The following FBXO15 variants were observed in gnomAD, a reference collection of about 807,000 sequenced individuals.
FBXO15 encodes F-box protein 15.
FBXO15 carries 30 observed loss-of-function variants against 49.5 expected under a neutral mutation model. The ratio of observed to expected loss-of-function variants is 0.61; its 90% CI spans 0.45 to 0.82. The LOEUF (loss-of-function observed/expected upper bound fraction) is 0.82, where lower values mean the gene tolerates loss of function less well. Ranked by LOEUF, FBXO15 falls within the 40% of genes least tolerant of loss-of-function variation. FBXO15 has a pLI of 0.00. For synonymous variants in FBXO15, 250 were observed against 232.7 expected (o/e 1.07, Z -0.68); for missense variants, 591 against 631.5 (o/e 0.94, Z 0.69).
In FBXO15 at chr18:74,140,205, T is replaced by C; in HGVS notation, c.224A>G (p.Asp75Gly). 2 of 1,550,874 alleles carry C rather than the reference T, an allele frequency of 1.3e-6. No homozygotes were observed. The highest frequency in any genetic ancestry group is 1.2e-5 in the South Asian group (1 of 83,916). ...SSFSCCSGFL[D>G]GMPSEILLKI... is the part of the protein sequence containing the mutation. Reference sequence around the variant, plus strand: ...ACAGTCTACTTCTGCTACTTACCCATCCAGGAACCCAGAACAGCAGGAGAA... The same window carrying C: ...ACAGTCTACTTCTGCTACTTACCCACCCAGGAACCCAGAACAGCAGGAGAA... The change falls in exon 2 of 10, where the codon GAT becomes GGT. Residue 75 changes from aspartate (D) to glycine (G), a missense_variant. Coordinates refer to ENST00000419743, the MANE Select transcript of FBXO15 (RefSeq NM_001142958.2).
intron 8 of FBXO15, among the ~76,000 whole-genome samples, chr18:74,094,379 A>G (rs1286253597): frequency 6.6e-6 from 1 of 152,140 alleles, no homozygotes; most frequent in African/African-American, 2.4e-5. Flanking sequence ...CTTTTGCCAT[A>G]TGATGTGCCT....
intron 1 of FBXO15, among the ~76,000 whole-genome samples, chr18:74,144,049 C>T (rs371642942): frequency 1.3e-5 from 2 of 152,190 alleles, no homozygotes; most frequent in South Asian, 2.1e-4. Flanking sequence ...CAATAAATAT[C>T]GCTGAATCAC....
intron 8 of FBXO15, among the ~76,000 whole-genome samples, chr18:74,086,796 G>A (rs1006733528): frequency 9.9e-5 from 15 of 152,142 alleles, no homozygotes; most frequent in Admixed American, 9.8e-4. Flanking sequence ...ACAAAATATG[G>A]AAACATAATA....
intron 8 of FBXO15, among the ~76,000 whole-genome samples, chr18:74,096,273 G>C (rs537986242): frequency 1.3e-5 from 2 of 152,204 alleles, no homozygotes; most frequent in African/African-American, 4.8e-5. Context: ...AGACAAAGGA[G>C]ATGCCAAATC....
intron 2 of FBXO15, among the ~76,000 whole-genome samples, chr18:74,139,924 T>C (rs1377399111): frequency 6.6e-6 from 1 of 152,226 alleles, no homozygotes; most frequent in Middle Eastern, 3.2e-3. Flanking sequence ...CAAGGGTCTT[T>C]ATCAACTCAA....
chr18:74,111,556 G>A (rs1175168331), intron 8 of FBXO15, among the ~76,000 whole-genome samples: 1 of 151,868 alleles, frequency 6.6e-6, no homozygotes, highest in Non-Finnish European at 1.5e-5. Context: ...GATATTTATG[G>A]CATTAAATTC....
chr18:74,075,250 G>A lies in FBXO15; in HGVS notation c.1264-1520C>T, dbSNP rs1268756225. Reference sequence around the variant, plus strand: ...AGAGAACCTCGGCCTTCACAGACAGGGGAGAAGGATGTTTTCCTCAACTTC... The same window carrying A: ...AGAGAACCTCGGCCTTCACAGACAGAGGAGAAGGATGTTTTCCTCAACTTC... On this transcript the variant is annotated intron_variant, in intron 9 of 9. Coordinates refer to ENST00000419743, the MANE Select transcript of FBXO15 (RefSeq NM_001142958.2). The surrounding 1 kb of genome is among the most constrained non-coding windows in gnomAD (Gnocchi z 4.1). Among the ~76,000 whole-genome samples the A allele has an allele frequency of 6.6e-6, 1 of 152,186 alleles. No individual in the cohort carries two copies. The highest frequency in any genetic ancestry group is 2.4e-5 in the African/African-American group (1 of 41,440).
At chr18:74,120,039 C>T (rs1914407979) in intron 8 of FBXO15, among the ~76,000 whole-genome samples, 1 of 152,198 alleles carries the variant, frequency 6.6e-6, no homozygotes, top group South Asian at 2.1e-4. Flanking sequence ...AGCAGAGACT[C>T]AGTTCTCCGC....
At chr18:74,082,387 T>G (rs1912541418) in intron 8 of FBXO15, among the ~76,000 whole-genome samples, 1 of 152,166 alleles carries the variant, frequency 6.6e-6, no homozygotes, top group African/African-American at 2.4e-5. Flanking sequence ...AAGCCAACAG[T>G]GTTGGAAACC....
intron 8 of FBXO15, among the ~76,000 whole-genome samples, chr18:74,084,947 T>C (rs554550032): frequency 2.6e-5 from 4 of 152,186 alleles, no homozygotes; most frequent in African/African-American, 9.6e-5. Context: ...CCCTCTATAC[T>C]TTATCTCAAT....
At chr18:74,141,797 G>T (rs559884939) in intron 1 of FBXO15, among the ~76,000 whole-genome samples, 2 of 152,256 alleles carry the variant, frequency 1.3e-5, no homozygotes, top group East Asian at 3.9e-4. Flanking sequence ...GGAGCCTACC[G>T]CAAGACAGCA....
rs191459913 is a variant in FBXO15 at position 74,088,703 on chromosome 18, T to C, written c.1139-6652A>G. ...CTATTTGGGCTCTTTTTTTGTTCCA[T>C]ATGAATTTTTAAATAGTTTTTATCT... On this transcript the variant is annotated intron_variant, in intron 8 of 9. Transcript: ENST00000419743. 1.4e-3 allele frequency among the ~76,000 whole-genome samples: 213 copies of C among 152,346 alleles called. 1 individual carries two copies. The highest frequency in any genetic ancestry group is 4.9e-3 in the African/African-American group (204 of 41,586).
intron 8 of FBXO15, among the ~76,000 whole-genome samples, chr18:74,088,453 T>C (rs1026721929): frequency 6.6e-6 from 1 of 152,218 alleles, no homozygotes; most frequent in South Asian, 2.1e-4. Context: ...ATTTATTGAA[T>C]AGGAAGTCCT....
At chr18:74,113,811 T>C (rs1914125911) in intron 8 of FBXO15, among the ~76,000 whole-genome samples, 1 of 152,250 alleles carries the variant, frequency 6.6e-6, no homozygotes, top group Non-Finnish European at 1.5e-5. Context: ...CATTTCTTCA[T>C]ACTTTGCATT....
chr18:74,122,539 A>G (rs1914518499), intron 8 of FBXO15: 1 of 152,242 alleles, frequency 6.6e-6, no homozygotes, highest in Non-Finnish European at 1.5e-5. Context: ...TTAGGCACAT[A>G]TCATTAATGA....
rs1384680648 is a variant in FBXO15, at chr18:74,147,650, C to T, written c.116+20G>A. 1 of 1,396,424 alleles carries T rather than the reference C, an allele frequency of 7.2e-7. No homozygotes were observed. Among genetic ancestry groups the T allele is most frequent in the Non-Finnish European group, 9.3e-7 (1 of 1,076,940 alleles). 86.5% of individuals were successfully genotyped at this position (1,396,424 alleles called of 1,614,324 possible). A position where few individuals can be genotyped will look rare whatever the true frequency, so the allele number is the denominator to read the frequency against. Reference sequence around the variant, plus strand: ...ACGGGCTTCCCGCCAGGGGACCCCACCCGCAGGCCCTACAGTCACCTGCAC... The same window carrying T: ...ACGGGCTTCCCGCCAGGGGACCCCATCCGCAGGCCCTACAGTCACCTGCAC... On this transcript the variant is annotated intron_variant, in intron 1 of 9. Transcript: ENST00000419743.
chr18:74,092,200 G>C (rs111599097), intron 8 of FBXO15, among the ~76,000 whole-genome samples: 1,965 of 152,186 alleles, frequency 0.013, 47 homozygotes, highest in African/African-American at 0.044. Context: ...TGAAATTCTT[G>C]AAGTGAGTTT....
chr18:74,144,744 A>G (rs17088844), intron 1 of FBXO15, among the ~76,000 whole-genome samples: 13,790 of 152,202 alleles, frequency 0.091, 2,062 homozygotes, highest in African/African-American at 0.31. Context: ...TTGATTTTGC[A>G]GACAAAGAAG....
Position 74,140,255 on chromosome 18 carries a change from T to G in FBXO15, c.174A>C (p.Gly58=). ...AGSAALRCHA[G]GGQHWESSFS... ...AAGAGCTCTCCCAGTGCTGTCCACC[T>G]CCGGCATGGCACCTCAGGGCAGCAG... Residue 58 remains glycine (G), a synonymous_variant, in exon 2 of 10, where the codon GGA becomes GGC. Coordinates refer to ENST00000419743, the MANE Select transcript of FBXO15 (RefSeq NM_001142958.2). The G allele has an allele frequency of 6.4e-7, 1 of 1,551,520 alleles. No homozygotes were observed. Among genetic ancestry groups the G allele is most frequent in the South Asian group, 1.2e-5 (1 of 84,052 alleles).
Sources: allele counts gnomAD v4.1 joint callset (sites outside exome capture counted in the v4.1 genomes callset), GRCh38; gene constraint gnomAD v4.1.1; non-coding constraint Gnocchi (gnomAD v3.1); transcripts MANE v1.5; gene names NCBI Gene and HGNC (gene_info 2026-07-23, HGNC 2026-07-21).